Variants in KRT86 observed in about 807,000 individuals in gnomAD.
KRT86 encodes the protein keratin 86, also known as keratin, type II cuticular Hb6.
KRT86 carries 30 observed loss-of-function variants against 41.2 expected under a neutral mutation model. The ratio of observed to expected loss-of-function variants is 0.73; its 90% CI spans 0.54 to 0.99. The LOEUF is 0.99. Among genes scored for constraint, KRT86 ranks in the 50% least tolerant of loss-of-function variants. KRT86 has a pLI of 0.00. For missense variants in KRT86, 561 were observed against 571.4 expected (o/e 0.98, Z 0.19); for synonymous variants, 238 against 238.1 (o/e 1.00, Z 0.00).
chr12:52,288,493 G>A, intron 2 of KRT86: 1 of 1,611,040 alleles, frequency 6.2e-7, no homozygotes, highest in Non-Finnish European at 8.5e-7. Flanking sequence ...CAAGGACCCT[G>A]GTGATCCAGC....
chr12:52,303,040 C>G (rs1938421434), intron 3 of KRT86, 60 bp from the exon 4 acceptor site: 1 of 304,500 alleles, frequency 3.3e-6, no homozygotes, highest in African/African-American at 2.9e-5. Flanking sequence ...CTGCGAGCCC[C>G]CAGAGCTGGC....
intron 7 of KRT86, 79 bp from the exon 8 acceptor site, chr12:52,305,584 A>G: frequency 4.3e-6 from 7 of 1,612,012 alleles, no homozygotes; most frequent in Middle Eastern, 1.7e-4. Flanking sequence ...GCACTGCACA[A>G]CCTGCAAAAT....
chr12:52,287,620 G>A (rs567840643), intron 2 of KRT86: 22 of 1,613,764 alleles, frequency 1.4e-5, no homozygotes, highest in African/African-American at 6.7e-5. Context: ...TCTCCACCTC[G>A]GCCGTCAGCC....
rs74095618 is a variant in KRT86 at position 52,286,388 on chromosome 12, G to A, written c.-5+10442G>A. 4.2e-3 allele frequency: 6,522 copies of A among 1,555,306 alleles called. 222 individuals are homozygous for A. In the African/African-American group the frequency reaches 0.076, roughly 18 times the overall value. On this transcript the variant is annotated intron_variant, in intron 2 of 10. Coordinates refer to ENST00000423955, the MANE Select transcript of KRT86 (RefSeq NM_001320198.2). ...GGGCGCACACAGGCCGGTGCTCACC[G>A]CCACGTTCCCGTTGCACGGAGCGCT...
At chr12:52,306,383 C>G (rs1309355642) in intron 9 of KRT86, 103 bp downstream of exon 9, 1 of 1,559,018 alleles carries the variant, frequency 6.4e-7, no homozygotes, top group African/African-American at 1.4e-5. Context: ...TTAACCTCCC[C>G]ACCCTGCAAC....
rs1938518688 is a variant in KRT86, at chr12:52,306,333, C to A, written c.1247+53C>A. The stretch of plus-strand genomic sequence containing the variant: ...CAGCCCTGCCAGGGTTCTCAGTGTG[C>A]TCTGTCCTCACACTCCTGGCAGCAT... On this transcript the variant is annotated intron_variant, in intron 9 of 10. Coordinates refer to ENST00000423955, the MANE Select transcript of KRT86 (RefSeq NM_001320198.2). 5 of 1,611,890 alleles carry A rather than the reference C, an allele frequency of 3.1e-6. No individual in the cohort carries two copies. The Admixed American group carries it at 8.3e-5, about 27-fold the overall frequency.
rs11170088 is a variant in KRT86 at position 52,306,152 on chromosome 12, T to C, written c.1119T>C (p.Gly373=). The C allele has an allele frequency of 1.7e-3, 2,693 of 1,611,804 alleles. 54 individuals are homozygous for C. In the African/African-American group the frequency reaches 0.031, roughly 18 times the overall value. ...GCTGCAAGTTGGCCGAGCTGGAGGG[T>C]GCCCTGCAGAAGGCCAAGCAGGACA... ...DARCKLAELE[G]ALQKAKQDMA... Residue 373 remains glycine, a synonymous_variant, in exon 9 of 11, where the codon GGT becomes GGC. Coordinates refer to ENST00000423955, the MANE Select transcript of KRT86 (RefSeq NM_001320198.2).
intron 2 of KRT86, among the ~76,000 whole-genome samples, chr12:52,283,407 A>AT (rs1454834385): frequency 9.7e-5 from 14 of 144,198 alleles, no homozygotes; most frequent in African/African-American, 1.8e-4. Flanking sequence ...AAAAAAAAAA[A>AT]AAAAAAAAAG....
intron 2 of KRT86, among the ~76,000 whole-genome samples, chr12:52,280,016 C>T (rs1937735534): frequency 6.6e-6 from 1 of 152,200 alleles, no homozygotes; most frequent in Non-Finnish European, 1.5e-5. Flanking sequence ...GGGCCAGTGC[C>T]TTCTATCACC....
chr12:52,285,752 C>CT (rs1343225663), intron 2 of KRT86, among the ~76,000 whole-genome samples: 1 of 152,160 alleles, frequency 6.6e-6, no homozygotes, highest in Non-Finnish European at 1.5e-5. Flanking sequence ...AAATAGGGGC[C>CT]TAGCACAACT....
rs767061164 is a variant in KRT86 at position 52,291,399 on chromosome 12, C to G, written c.-4-10514C>G. The G allele has an allele frequency of 1.9e-6, 3 of 1,609,510 alleles. No homozygotes were observed. In the Admixed American group the frequency reaches 5.0e-5, roughly 27 times the overall value. ...GGGGCGGCGGTGATGCAGCAGCGGC[C>G]GGGCCGCGGCCCGCAGGCCGAGATG... On this transcript the variant is annotated intron_variant, in intron 2 of 10. Coordinates refer to ENST00000423955, the MANE Select transcript of KRT86 (RefSeq NM_001320198.2).
intron 2 of KRT86, among the ~76,000 whole-genome samples, chr12:52,289,022 GATATTCCCAA>G (rs1413817421): frequency 1.6e-5 from 2 of 126,690 alleles, no homozygotes; most frequent in East Asian, 4.6e-4. Context: ...GGTGCTGGTA[GATATTCCCAA>G]GTCATTGCCC....
At chr12:52,286,455 G>A in intron 2 of KRT86, 2 of 1,552,838 alleles carry the variant, frequency 1.3e-6, no homozygotes, top group Non-Finnish European at 1.7e-6. Context: ...GACACGCAGA[G>A]GTCCCCGCAC....
chr12:52,286,710 C>T, intron 2 of KRT86: 3 of 1,457,476 alleles, frequency 2.1e-6, no homozygotes, highest in Non-Finnish European at 2.9e-6. Context: ...TATTCAATCT[C>T]AGTAACACTC....
intron 2 of KRT86, chr12:52,291,103 G>C (rs1439928163): frequency 1.1e-5 from 8 of 721,308 alleles, no homozygotes; most frequent in East Asian, 5.8e-5. Context: ...CCACCTTGTC[G>C]ATGAAGGCCG....
At chr12:52,274,764 G>A (rs1942534858) in intron 1 of KRT86, 42 bp downstream of exon 1, 1 of 983,846 alleles carries the variant, frequency 1.0e-6, no homozygotes, top group African/African-American at 1.7e-5. Flanking sequence ...ACAGGGATGA[G>A]GTGTCTTGGA....
intron 2 of KRT86, among the ~76,000 whole-genome samples, chr12:52,300,207 T>A (rs1189260644): frequency 6.6e-6 from 1 of 152,240 alleles, no homozygotes; most frequent in African/African-American, 2.4e-5. Context: ...CACATACATA[T>A]ACATAGGCCA....
intron 2 of KRT86, chr12:52,287,808 T>G: frequency 6.2e-7 from 1 of 1,610,594 alleles, no homozygotes; most frequent in Non-Finnish European, 8.5e-7. Context: ...GGTTGTACAG[T>G]GCTCAGCCTG....
chr12:52,281,241 A>G (rs17126563), intron 2 of KRT86, among the ~76,000 whole-genome samples: 8,761 of 152,260 alleles, frequency 0.058, 449 homozygotes, highest in African/African-American at 0.14. Flanking sequence ...CAGTTCAGTC[A>G]TTGCTTCTCA....
Sources: allele counts gnomAD v4.1 joint callset (sites outside exome capture counted in the v4.1 genomes callset), GRCh38; gene constraint gnomAD v4.1.1; transcripts MANE v1.5; gene names NCBI Gene and HGNC (gene_info 2026-07-23, HGNC 2026-07-21).